Variants in LDLRAD4 observed in about 807,000 individuals in gnomAD.
The protein encoded by LDLRAD4 is low-density lipoprotein receptor class A domain-containing protein 4.
In LDLRAD4, 5 loss-of-function variants were observed where a neutral mutation model predicts 17.0. The ratio of observed to expected loss-of-function variants is 0.29; its 90% CI spans 0.15 to 0.62. The LOEUF (loss-of-function observed/expected upper bound fraction) is 0.62. Among genes scored for constraint, LDLRAD4 ranks in the 20% least tolerant of loss-of-function variants. The pLI is 0.84. For missense variants in LDLRAD4, 340 were observed against 424.7 expected (o/e 0.80, Z 1.75); for synonymous variants, 168 against 171.8 (o/e 0.98, Z 0.17).
intron 1 of LDLRAD4, among the ~76,000 whole-genome samples, chr18:13,236,833 C>T (rs932795413): frequency 6.6e-6 from 1 of 152,260 alleles, no homozygotes; most frequent in Admixed American, 6.5e-5. Flanking sequence ...TCTGAGGTTA[C>T]GTTTTAATTC....
chr18:13,473,678 T>TATATAC (rs374731826), intron 3 of LDLRAD4, among the ~76,000 whole-genome samples: 1 of 79,986 alleles, frequency 1.3e-5, no homozygotes. Flanking sequence ...TATATATATA[T>TATATAC]AACGTTTACA....
intron 1 of LDLRAD4, among the ~76,000 whole-genome samples, chr18:13,322,262 T>C (rs2081288900): frequency 6.6e-6 from 1 of 151,618 alleles, no homozygotes; most frequent in South Asian, 2.1e-4. Context: ...TTATTTCTAT[T>C]ATTTATTTAA....
At chr18:13,459,159 CAAAAAAAAAAAAAAAAAAAA>C (rs534798084) in intron 3 of LDLRAD4, among the ~76,000 whole-genome samples, 3 of 53,736 alleles carry the variant, frequency 5.6e-5, no homozygotes, top group Admixed American at 5.8e-4. Flanking sequence ...ATCTCTACAC[CAAAAAAAAAAAAAAAAAAAA>C]AAAAAAAAAA....
intron 2 of LDLRAD4, among the ~76,000 whole-genome samples, chr18:13,414,746 A>G (rs1326762890): frequency 6.6e-6 from 1 of 152,216 alleles, no homozygotes; most frequent in East Asian, 1.9e-4. Context: ...GAGAAGGAGA[A>G]GCCCACACGC....
intron 3 of LDLRAD4, among the ~76,000 whole-genome samples, chr18:13,525,362 C>G (rs759651585): frequency 1.3e-5 from 2 of 152,236 alleles, no homozygotes; most frequent in Non-Finnish European, 2.9e-5. Flanking sequence ...TGAGTCCATT[C>G]TGCAAATCTC....
chr18:13,593,492 T>C (rs1016234920), intron 3 of LDLRAD4, among the ~76,000 whole-genome samples: 2 of 152,242 alleles, frequency 1.3e-5, no homozygotes, highest in African/African-American at 4.8e-5. Context: ...GTGTTTGACC[T>C]GTGGCTTATC....
chr18:13,496,648 G>A (rs150026517), intron 3 of LDLRAD4, among the ~76,000 whole-genome samples: 178 of 152,264 alleles, frequency 1.2e-3, no homozygotes, highest in Non-Finnish European at 2.0e-3. Flanking sequence ...TCCGAGAGGA[G>A]GACACCACAG....
exon 1 of LDLRAD4, chr18:13,218,926 T>G (rs1198353085): frequency 6.6e-6 from 1 of 152,218 alleles, no homozygotes; most frequent in African/African-American, 2.4e-5. Context: ...GCACAGCCTT[T>G]AGGAAGCTTC....
At chr18:13,609,381 C>G (rs1001089715) in intron 3 of LDLRAD4, among the ~76,000 whole-genome samples, 4 of 152,188 alleles carry the variant, frequency 2.6e-5, no homozygotes, top group Admixed American at 2.6e-4. Context: ...AAACAAAACT[C>G]AAGAGCACTA....
chr18:13,251,063 T>C lies in LDLRAD4; in HGVS notation c.-466-27042T>C, dbSNP rs138616858. 3.3e-4 allele frequency among the ~76,000 whole-genome samples: 50 copies of C among 152,322 alleles called. No individual in the cohort carries two copies. In the East Asian group the frequency reaches 8.5e-3, roughly 26 times the overall value. ...GGGATTCATCCCAGGGATGCAAAGATGGTTCAGTATACATAAATCAAGAAA... is the reference window on the plus strand; with the variant it reads ...GGGATTCATCCCAGGGATGCAAAGACGGTTCAGTATACATAAATCAAGAAA... On this transcript the variant is annotated intron_variant, in intron 1 of 5. Transcript: ENST00000399848.
chr18:13,376,055 T>C (rs575450338), intron 1 of LDLRAD4, among the ~76,000 whole-genome samples: 1 of 152,210 alleles, frequency 6.6e-6, no homozygotes, highest in East Asian at 1.9e-4. Context: ...GTTCTTGCCG[T>C]TTGAGGGAAC....
At chr18:13,284,674 G>C (rs2045504450) in intron 1 of LDLRAD4, among the ~76,000 whole-genome samples, 1 of 152,176 alleles carries the variant, frequency 6.6e-6, no homozygotes, top group Non-Finnish European at 1.5e-5. Context: ...TGGCTTTGAG[G>C]ATTTGGTCTC....
chr18:13,597,379 T>C (rs1414354077), intron 3 of LDLRAD4, among the ~76,000 whole-genome samples: 1 of 152,218 alleles, frequency 6.6e-6, no homozygotes, highest in Non-Finnish European at 1.5e-5. Context: ...ATGATGTGCC[T>C]GTTTTTTGGT....
At chr18:13,238,857 C>G (rs576007038) in intron 1 of LDLRAD4, among the ~76,000 whole-genome samples, 1 of 152,100 alleles carries the variant, frequency 6.6e-6, no homozygotes, top group African/African-American at 2.4e-5. Flanking sequence ...AGCCCCTGTT[C>G]CTGCCGAGGT....
At chr18:13,331,931 G>T (rs1035473429) in intron 1 of LDLRAD4, among the ~76,000 whole-genome samples, 3 of 152,140 alleles carry the variant, frequency 2.0e-5, no homozygotes, top group Non-Finnish European at 2.9e-5. Flanking sequence ...GAACTCCTGG[G>T]CTCAAGTGAT....
At chr18:13,329,255 C>T (rs2081711721) in intron 1 of LDLRAD4, among the ~76,000 whole-genome samples, 1 of 152,176 alleles carries the variant, frequency 6.6e-6, no homozygotes, top group African/African-American at 2.4e-5. Flanking sequence ...AGGCTTGCAC[C>T]AGTTCACACA....
At position 13,370,855 on chromosome 18, in the gene LDLRAD4, C is replaced by T. The variant is rs528861479; in HGVS notation, c.-382-16486C>T. Among the ~76,000 whole-genome samples, 7 of 151,720 alleles carry T rather than the reference C, an allele frequency of 4.6e-5. No individual in the cohort carries two copies. In the East Asian group the frequency reaches 7.7e-4, roughly 17 times the overall value. ...CCTCTGGAGTAACTGGGACTACAGG[C>T]GCGCACCACCACACCCAGCTAATTT... On this transcript the variant is annotated intron_variant, in intron 1 of 5. Transcript: ENST00000359446.
At chr18:13,592,058 C>T (rs1049567371) in intron 3 of LDLRAD4, among the ~76,000 whole-genome samples, 10 of 152,278 alleles carry the variant, frequency 6.6e-5, no homozygotes, top group Admixed American at 2.6e-4. Context: ...GTGTCACCTT[C>T]TGAATTATAA....
intron 2 of LDLRAD4, among the ~76,000 whole-genome samples, chr18:13,405,129 A>T (rs1016257365): frequency 2.6e-5 from 4 of 151,648 alleles, no homozygotes; most frequent in Admixed American, 6.6e-5. Context: ...TTATTATTAT[A>T]ATATTATGTA....
Sources: gnomAD v4.1 joint callset for allele counts (sites outside exome capture counted in the v4.1 genomes callset) on GRCh38, gnomAD v4.1.1 for gene constraint, MANE v1.5 for transcripts, NCBI Gene and HGNC (gene_info 2026-07-23, HGNC 2026-07-21) for gene names.